PKIB: variants seen among roughly 807,000 people sequenced by gnomAD.
PKIB encodes cAMP-dependent protein kinase inhibitor beta, also known as PKI-beta.
In PKIB, 2 loss-of-function variants were observed where a neutral mutation model predicts 4.5. The ratio of observed to expected loss-of-function variants is 0.44; its 90% confidence interval spans 0.18 to 1.39. PKIB has a LOEUF of 1.39. Among genes scored for constraint, PKIB ranks in the 40% most tolerant of loss-of-function variants. PKIB has a pLI of 0.27. For synonymous variants in PKIB, 38 were observed against 36.0 expected, an observed-to-expected ratio of 1.06 and a Z score of -0.20; for missense variants, 94 against 92.6, an observed-to-expected ratio of 1.02 and a Z score of -0.06.
chr6:122,624,268 C>A (rs962180186), intron 1 of PKIB, among the ~76,000 whole-genome samples: 18 of 152,246 alleles, frequency 1.2e-4, no homozygotes, highest in Middle Eastern at 3.4e-3. Flanking sequence ...ATTACAAAAT[C>A]ATTTAGGTAA....
At chr6:122,622,105 T>G (rs932967800) in intron 1 of PKIB, among the ~76,000 whole-genome samples, 8 of 152,204 alleles carry the variant, frequency 5.3e-5, no homozygotes, top group African/African-American at 1.9e-4. Flanking sequence ...TGAAGGCCCT[T>G]CCTAGAAATT....
chr6:122,618,358 C>G (rs1277842911), intron 1 of PKIB, among the ~76,000 whole-genome samples: 1 of 152,046 alleles, frequency 6.6e-6, no homozygotes, highest in Non-Finnish European at 1.5e-5. Flanking sequence ...ATCTCTTTGT[C>G]AACCCTTTAT....
chr6:122,647,915 T>A (rs966939581), intron 2 of PKIB, among the ~76,000 whole-genome samples: 1 of 152,248 alleles, frequency 6.6e-6, no homozygotes. Flanking sequence ...CTGAAGGGAC[T>A]GGGCCATTAG....
chr6:122,630,878 T>C (rs1775669115), intron 1 of PKIB, among the ~76,000 whole-genome samples: 1 of 152,058 alleles, frequency 6.6e-6, no homozygotes, highest in Admixed American at 6.6e-5. Flanking sequence ...GTATTTGCAA[T>C]GAATGCTCAT....
chr6:122,630,438 A>G (rs1775648508), intron 1 of PKIB, among the ~76,000 whole-genome samples: 1 of 152,178 alleles, frequency 6.6e-6, no homozygotes, highest in South Asian at 2.1e-4. Flanking sequence ...TGAGCTAGTC[A>G]CAAAAAGACA....
chr6:122,580,518 G>A (rs763149101), intron 2 of PKIB, among the ~76,000 whole-genome samples: 3 of 152,006 alleles, frequency 2.0e-5, no homozygotes, highest in Non-Finnish European at 2.9e-5. Context: ...AAGATTAACT[G>A]GCTTTTTCCT....
At chr6:122,690,918 A>T (rs1778308973) in intron 3 of PKIB, among the ~76,000 whole-genome samples, 1 of 51,240 alleles carries the variant, frequency 2.0e-5, no homozygotes, top group Non-Finnish European at 5.7e-5. Context: ...CTTGAAGGAT[A>T]TATATATATA....
chr6:122,502,043 C>T (rs890273826), intron 2 of PKIB, among the ~76,000 whole-genome samples: 7 of 151,464 alleles, frequency 4.6e-5, no homozygotes, highest in Admixed American at 2.6e-4. Flanking sequence ...ACCTCTGCCT[C>T]CCCAGTTCAA....
chr6:122,543,401 G>T (rs1239450837), intron 2 of PKIB, among the ~76,000 whole-genome samples: 4 of 104,170 alleles, frequency 3.8e-5, no homozygotes, highest in Admixed American at 1.4e-4. Flanking sequence ...TTTCACTCTT[G>T]TTGCCTGGAG....
At chr6:122,592,340 A>G (rs934047086) in intron 3 of PKIB, among the ~76,000 whole-genome samples, 8 of 152,202 alleles carry the variant, frequency 5.3e-5, no homozygotes, top group African/African-American at 1.9e-4. Flanking sequence ...TTCTATTATT[A>G]TGACTGGTTT....
chr6:122,541,759 A>G (rs919718206), intron 2 of PKIB, among the ~76,000 whole-genome samples: 2 of 151,742 alleles, frequency 1.3e-5, no homozygotes, highest in African/African-American at 2.4e-5. Context: ...GTTCTCCTGG[A>G]TAATATCCTG....
intron 3 of PKIB, among the ~76,000 whole-genome samples, chr6:122,679,096 G>C (rs1237355016): frequency 6.6e-6 from 1 of 152,150 alleles, no homozygotes; most frequent in Non-Finnish European, 1.5e-5. Context: ...AAAAAAAAGT[G>C]CATCCCAAAC....
chr6:122,603,019 A>T lies in PKIB; in HGVS notation c.-161+17012A>T, dbSNP rs577535466. On this transcript the variant is annotated intron_variant, in intron 3 of 6. Coordinates refer to the PKIB transcript ENST00000392491. ...ATTTTAGGTTCCTAAGCAAATTTTT[A>T]AAAGAGGCTAACTTTTAAGTCCAAT... is the stretch of plus-strand genomic sequence containing the variant. Among the ~76,000 whole-genome samples the T allele has an allele frequency of 2.1e-3, 317 of 151,686 alleles. 3 individuals are homozygous for T. Among genetic ancestry groups the T allele is most frequent in the African/African-American group, 7.2e-3 (297 of 41,430 alleles).
At chr6:122,675,724 C>T (rs1029680717) in intron 3 of PKIB, among the ~76,000 whole-genome samples, 6 of 151,742 alleles carry the variant, frequency 4.0e-5, no homozygotes, top group African/African-American at 1.5e-4. Flanking sequence ...TTTAATTTAC[C>T]AGAGTTCAAG....
At chr6:122,518,689 G>A (rs1776838547) in intron 2 of PKIB, among the ~76,000 whole-genome samples, 1 of 152,064 alleles carries the variant, frequency 6.6e-6, no homozygotes. Context: ...TTCAATAAAT[G>A]TACCTATTGT....
At chr6:122,703,073 T>G (rs1416782935) in intron 3 of PKIB, among the ~76,000 whole-genome samples, 1 of 152,182 alleles carries the variant, frequency 6.6e-6, no homozygotes, top group African/African-American at 2.4e-5. Flanking sequence ...AATTGACTTC[T>G]CTTACGAAAC....
chr6:122,638,321 A>G (rs1582764153), intron 2 of PKIB, among the ~76,000 whole-genome samples: 1 of 152,368 alleles, frequency 6.6e-6, no homozygotes, highest in Non-Finnish European at 1.5e-5. Context: ...CTAACAAAGT[A>G]GCAATTTTCT....
intron 4 of PKIB, among the ~76,000 whole-genome samples, chr6:122,718,741 T>C (rs1475221874): frequency 6.6e-6 from 1 of 152,096 alleles, no homozygotes; most frequent in African/African-American, 2.4e-5. Flanking sequence ...TCTAACCCAT[T>C]CCCGGGAGCC....
intron 3 of PKIB, among the ~76,000 whole-genome samples, chr6:122,604,510 A>G (rs760553376): frequency 3.9e-5 from 6 of 152,366 alleles, no homozygotes; most frequent in Non-Finnish European, 7.3e-5. Flanking sequence ...AAGAGGTCAC[A>G]TGGAGTGTCA....
Sources: gnomAD v4.1 joint callset for allele counts (sites outside exome capture counted in the v4.1 genomes callset) on GRCh38, gnomAD v4.1.1 for gene constraint, MANE v1.5 for transcripts, NCBI Gene and HGNC (gene_info 2026-07-23, HGNC 2026-07-21) for gene names.